GRM3: variants seen among roughly 807,000 people sequenced by gnomAD.
The protein encoded by GRM3 is metabotropic glutamate receptor 3.
A neutral mutation model predicts 70.5 loss-of-function variants in GRM3; 26 were observed. That is an observed-to-expected ratio of 0.37 (90% CI 0.27 to 0.51). GRM3 has a LOEUF of 0.51. Ranked by LOEUF, GRM3 falls within the 20% of genes least tolerant of loss-of-function variation. The pLI, the probability that GRM3 is intolerant of heterozygous loss-of-function variation, is 0.93. For synonymous variants in GRM3, 443 were observed against 434.9 expected, an observed-to-expected ratio of 1.02 and a Z score of -0.23; for missense variants, 859 against 1,123.8, an observed-to-expected ratio of 0.76 and a Z score of 3.37.
At chr7:86,749,356 T>C (rs1315477870) in intron 1 of GRM3, among the ~76,000 whole-genome samples, 2 of 152,050 alleles carry the variant, frequency 1.3e-5, no homozygotes, top group African/African-American at 4.8e-5. Context: ...TAGTTCAGCA[T>C]CTACACTACT....
At chr7:86,832,985 T>C in intron 3 of GRM3, 7 of 982,202 alleles carry the variant, frequency 7.1e-6, no homozygotes, top group Non-Finnish European at 8.5e-6. Context: ...AAAAAATTCT[T>C]CCATCTTCCT....
rs765170035 is a variant in GRM3, at chr7:86,786,777, C to A, written c.985C>A (p.Pro329Thr). ...GAITLELASQ[P>T]VRQFDRYFQS... ...CATCACCCTGGAGCTGGCCTCCCAG[C>A]CTGTCCGCCAGTTCGACCGCTACTT... The change falls in exon 3 of 6, where the codon CCT becomes ACT. Residue 329 changes from proline to threonine, a missense_variant. By Grantham distance (38) the Pro-to-Thr change is conservative. Coordinates refer to ENST00000361669, the MANE Select transcript of GRM3 (RefSeq NM_000840.3). This position sits in a 1 kb window ranked among gnomAD's most constrained non-coding sequence, Gnocchi z 6.0. 6.2e-7 allele frequency: 1 copy of A among 1,614,094 alleles called. No homozygotes were observed. The highest frequency in any genetic ancestry group is 8.5e-7 in the Non-Finnish European group (1 of 1,180,010).
At chr7:86,763,216 A>C (rs1234832547) in intron 1 of GRM3, among the ~76,000 whole-genome samples, 1 of 152,096 alleles carries the variant, frequency 6.6e-6, no homozygotes, top group Non-Finnish European at 1.5e-5. Flanking sequence ...TCCTTCATAA[A>C]ACCCTTCCAA....
At chr7:86,852,905 G>T (rs1464812542) in intron 5 of GRM3, among the ~76,000 whole-genome samples, 1 of 152,112 alleles carries the variant, frequency 6.6e-6, no homozygotes, top group Non-Finnish European at 1.5e-5. Context: ...AGTGATACAA[G>T]AGTCAAGAGT....
At chr7:86,767,172 A>G (rs997569937) in intron 2 of GRM3, among the ~76,000 whole-genome samples, 2 of 152,046 alleles carry the variant, frequency 1.3e-5, no homozygotes, top group Admixed American at 6.6e-5. Flanking sequence ...AGATCAGGCC[A>G]CTGCCCTCTA....
intron 3 of GRM3, among the ~76,000 whole-genome samples, chr7:86,805,994 T>A (rs1797783804): frequency 6.6e-6 from 1 of 150,830 alleles, no homozygotes; most frequent in Non-Finnish European, 1.5e-5. Flanking sequence ...TGAGAACATG[T>A]GGTGTTTAGT....
chr7:86,645,318 G>T (rs538149380), intron 1 of GRM3, among the ~76,000 whole-genome samples: 28 of 152,286 alleles, frequency 1.8e-4, no homozygotes, highest in African/African-American at 6.5e-4. Flanking sequence ...GTGGGCAACG[G>T]TCAGCGAGAC....
At chr7:86,693,218 C>A (rs1231135080) in intron 1 of GRM3, among the ~76,000 whole-genome samples, 1 of 152,120 alleles carries the variant, frequency 6.6e-6, no homozygotes. Flanking sequence ...CAATCAAAAC[C>A]CTTTGAGGCA....
At chr7:86,761,838 T>C (rs893664031) in intron 1 of GRM3, among the ~76,000 whole-genome samples, 30 of 152,284 alleles carry the variant, frequency 2.0e-4, no homozygotes, top group African/African-American at 6.7e-4. Context: ...AGAGACTATT[T>C]CTTTCAGCGT....
chr7:86,785,241 G>A (rs924039172), intron 2 of GRM3, among the ~76,000 whole-genome samples: 1 of 152,166 alleles, frequency 6.6e-6, no homozygotes, highest in Non-Finnish European at 1.5e-5. Context: ...CCTACGTGAG[G>A]TAGACAGGAG....
intron 5 of GRM3, among the ~76,000 whole-genome samples, chr7:86,853,940 AGCCTGTCCATG>A (rs907576198): frequency 4.6e-5 from 7 of 152,166 alleles, no homozygotes; most frequent in Non-Finnish European, 1.0e-4. Context: ...CTTGGCAGGA[AGCCTGTCCATG>A]TTGGCTCCTA....
chr7:86,696,104 G>T (rs1794810609), intron 1 of GRM3, among the ~76,000 whole-genome samples: 1 of 152,170 alleles, frequency 6.6e-6, no homozygotes, highest in Non-Finnish European at 1.5e-5. Flanking sequence ...TTCTAAACAT[G>T]CCTGTTTCCT....
At position 86,644,484 on chromosome 7, in the gene GRM3, C is replaced by T; in HGVS notation, c.-529C>T. 2.8e-6 allele frequency: 1 copy of T among 351,424 alleles called. No homozygotes were observed. 21.8% of individuals were successfully genotyped at this position (351,424 alleles called of 1,614,324 possible). On this transcript the variant is annotated 5_prime_UTR_variant, in exon 1 of 6. Transcript: ENST00000361669. Reference sequence around the variant, plus strand: ...GCCTGATAAGAGAAGGAGGAGGGGACTCGGCTGGGAAGAGCTCCCCTCCCC... The same window carrying T: ...GCCTGATAAGAGAAGGAGGAGGGGATTCGGCTGGGAAGAGCTCCCCTCCCC...
At chr7:86,793,124 C>A (rs76565655) in intron 3 of GRM3, among the ~76,000 whole-genome samples, 7,991 of 144,438 alleles carry the variant, frequency 0.055, 676 homozygotes, top group African/African-American at 0.19. Context: ...GTTTACAATT[C>A]TCTACACCTG....
intron 1 of GRM3, among the ~76,000 whole-genome samples, chr7:86,675,329 G>T (rs540433654): frequency 2.0e-5 from 3 of 152,146 alleles, no homozygotes; most frequent in South Asian, 4.1e-4. Context: ...GATAAGCTAT[G>T]CTTAAGTTAT....
rs1262209324 is a variant in GRM3, at chr7:86,672,187, GT to G, written c.-141+27322del. Among the ~76,000 whole-genome samples the G allele has an allele frequency of 1.8e-4, 27 of 152,228 alleles. No homozygotes were observed. In the Middle Eastern group the frequency reaches 0.01, roughly 58 times the overall value. ...GGGAAATCAGTTAGGCAAATGTAAA[GT>G]TTTTTTGTTTTTGTTTTTTTCCAGC... On this transcript the variant is annotated intron_variant, in intron 1 of 5. Coordinates refer to ENST00000361669, the MANE Select transcript of GRM3 (RefSeq NM_000840.3).
chr7:86,808,797 G>A (rs1797850580), intron 3 of GRM3, among the ~76,000 whole-genome samples: 1 of 152,030 alleles, frequency 6.6e-6, no homozygotes, highest in African/African-American at 2.4e-5. Context: ...GAATAACAAG[G>A]CATAAGGTGT....
At chr7:86,840,274 G>C (rs975640850) in intron 4 of GRM3, among the ~76,000 whole-genome samples, 5 of 152,102 alleles carry the variant, frequency 3.3e-5, no homozygotes, top group African/African-American at 1.2e-4. Context: ...ATCTATTTGA[G>C]AATACTTTAA....
At chr7:86,727,632 G>T (rs959665901) in intron 1 of GRM3, among the ~76,000 whole-genome samples, 2 of 152,166 alleles carry the variant, frequency 1.3e-5, no homozygotes, top group South Asian at 2.1e-4. Context: ...TGACCAAGCA[G>T]ATGTTTAATA....
Sources: allele counts gnomAD v4.1 joint callset (sites outside exome capture counted in the v4.1 genomes callset), GRCh38; gene constraint gnomAD v4.1.1; non-coding constraint Gnocchi (gnomAD v3.1); transcripts MANE v1.5; gene names NCBI Gene and HGNC (gene_info 2026-07-23, HGNC 2026-07-21).